P2RX5: variants seen among roughly 807,000 people sequenced by gnomAD.
P2RX5 encodes the protein P2X purinoceptor 5.
A neutral mutation model predicts 54.1 loss-of-function variants in P2RX5; 46 were observed. The observed-to-expected ratio is 0.85, with a 90% CI of 0.67 to 1.09. The LOEUF (loss-of-function observed/expected upper bound fraction) is 1.09, where lower values mean the gene tolerates loss of function less well. Among genes scored for constraint, P2RX5 ranks in the 50% least tolerant of loss-of-function variants. P2RX5 has a pLI of 0.00. For missense variants in P2RX5, 566 were observed against 549.8 expected (o/e 1.03, Z -0.29); for synonymous variants, 226 against 226.4 (o/e 1.00, Z 0.02).
chr17:3,699,816 A>G (rs28572565), upstream of P2RX5, among the ~76,000 whole-genome samples: 1,130 of 109,518 alleles, frequency 0.01, 33 homozygotes, highest in Middle Eastern at 0.027. Flanking sequence ...GAAAGAAAGA[A>G]AGAGAGAAAG....
upstream of P2RX5, among the ~76,000 whole-genome samples, chr17:3,699,174 T>C (rs1458425783): frequency 1.4e-5 from 2 of 146,496 alleles, no homozygotes; most frequent in Admixed American, 6.8e-5. Context: ...GGCAGGAGGA[T>C]TGCTTGAGCC....
chr17:3,704,118 C>A, the P2RX5 span, among the ~76,000 whole-genome samples: 1,325 of 151,836 alleles, frequency 8.7e-3, 9 homozygotes, highest in Middle Eastern at 0.041. Context: ...AACAAACAAA[C>A]AAAACCCAAA....
intron 11 of P2RX5, chr17:3,678,204 T>C: frequency 1.7e-6 from 1 of 579,122 alleles, no homozygotes; most frequent in Non-Finnish European, 2.2e-6. Context: ...TGGGCCAGCC[T>C]CACCAGAGGC....
upstream of P2RX5, among the ~76,000 whole-genome samples, chr17:3,696,592 C>T (rs575713284): frequency 2.6e-5 from 4 of 152,092 alleles, no homozygotes; most frequent in East Asian, 1.9e-4. Flanking sequence ...GTAGCTGGGA[C>T]TACAGGCGTG....
At chr17:3,698,967 A>G (rs889106242), upstream of P2RX5, among the ~76,000 whole-genome samples, 1 of 151,828 alleles carries the variant, frequency 6.6e-6, no homozygotes, top group Admixed American at 6.6e-5. Flanking sequence ...GCACTTTGGG[A>G]GGCTGAAGCA....
At chr17:3,674,212 C>G (rs1042832079) in intron 11 of P2RX5, among the ~76,000 whole-genome samples, 28 of 152,100 alleles carry the variant, frequency 1.8e-4, no homozygotes, top group African/African-American at 5.3e-4. Context: ...TCGGGAGGCT[C>G]AGGCAGGGGA....
At chr17:3,723,553 G>A in the P2RX5 span, 1 of 1,078,404 alleles carries the variant, frequency 9.3e-7, no homozygotes. Flanking sequence ...GAGACCCAGG[G>A]ACGAAGCTAG....
rs2050102754 is a variant in P2RX5 at position 3,676,283 on chromosome 17, G to A, written c.1260-2406C>T. 9.1e-6 allele frequency: 9 copies of A among 985,388 alleles called. No individual in the cohort carries two copies. In the South Asian group the frequency reaches 4.2e-4, roughly 46 times the overall value. The allele number at this position is 985,388 out of a possible 1,614,324, so 61.0% of individuals were successfully genotyped here. Reference sequence around the variant, plus strand: ...CGTACTTCATGTCCATTTTTGACAGGGGAGACTGGGTCTTAAGCGCCAGCG... The same window carrying A: ...CGTACTTCATGTCCATTTTTGACAGAGGAGACTGGGTCTTAAGCGCCAGCG... On this transcript the variant is annotated intron_variant, in intron 11 of 11. Transcript: ENST00000225328.
Position 3,689,497 on chromosome 17 carries a change from G to C in P2RX5, c.748C>G (p.Leu250Val). Residue 250 changes from leucine to valine, a missense_variant, in exon 7 of 12, where the codon CTG (leucine) becomes GTG (valine). Transcript: ENST00000225328. ...WAGSDFQDIA[L>V]EGGVIGINIE... ...CCTGCGTGCACCCCACCCACCTCCA[G>C]GGCTATATCCTGGAAGTCGCTCCCG... 1 of 1,614,072 alleles carries C rather than the reference G, an allele frequency of 6.2e-7. No individual in the cohort carries two copies. The highest frequency in any genetic ancestry group is 8.5e-7 in the Non-Finnish European group (1 of 1,180,004).
chr17:3,684,168 A>G (rs960660176), intron 9 of P2RX5, among the ~76,000 whole-genome samples: 14 of 152,192 alleles, frequency 9.2e-5, no homozygotes, highest in African/African-American at 3.4e-4. Flanking sequence ...GGCCACCTCT[A>G]AGGAAGAGTC....
upstream of P2RX5, among the ~76,000 whole-genome samples, chr17:3,699,393 T>TA (rs2050800545): frequency 6.6e-6 from 1 of 150,740 alleles, no homozygotes. Flanking sequence ...CCCTGCTTCT[T>TA]AAAAAAAATT....
chr17:3,711,196 C>T, the P2RX5 span, among the ~76,000 whole-genome samples: 5 of 152,066 alleles, frequency 3.3e-5, no homozygotes, highest in African/African-American at 1.2e-4. Context: ...TGCCCTGGTA[C>T]AGGATAGTGA....
At chr17:3,704,731 G>A in the P2RX5 span, among the ~76,000 whole-genome samples, 7 of 152,250 alleles carry the variant, frequency 4.6e-5, no homozygotes, top group African/African-American at 1.7e-4. Context: ...TTCAGGCCGG[G>A]TGTGGTGGCT....
At chr17:3,677,758 C>T (rs1428597705) in intron 11 of P2RX5, 2 of 985,258 alleles carry the variant, frequency 2.0e-6, no homozygotes, top group Non-Finnish European at 1.2e-6. Flanking sequence ...ATGTTTACAG[C>T]TCATATGAAT....
upstream of P2RX5, chr17:3,696,406 G>A (rs2050760095): frequency 6.3e-6 from 1 of 159,598 alleles, no homozygotes; most frequent in South Asian, 2.0e-4. Flanking sequence ...GATCGCGGAG[G>A]AGAGGAAGTG....
At position 3,673,385 on chromosome 17, in the gene P2RX5, A is replaced by G; in HGVS notation, c.*483T>C. 9.7e-7 allele frequency: 1 copy of G among 1,034,770 alleles called. No individual in the cohort carries two copies. Among genetic ancestry groups the G allele is most frequent in the Non-Finnish European group, 1.2e-6 (1 of 858,874 alleles). The allele number at this position is 1,034,770 out of a possible 1,614,324, so 64.1% of individuals were successfully genotyped here. A position where few individuals can be genotyped will look rare whatever the true frequency, so the allele number is the denominator to read the frequency against. ...GGCAGGAAGGTGGTGTCTTTAGGAG[A>G]GAGAGTACTTGGATCCACTGGAGAG... On this transcript the variant is annotated 3_prime_UTR_variant, in exon 12 of 12. Coordinates refer to ENST00000225328, the MANE Select transcript of P2RX5 (RefSeq NM_002561.4).
At chr17:3,719,235 C>CAAAAAAAAAAA in the P2RX5 span, among the ~76,000 whole-genome samples, 6 of 66,214 alleles carry the variant, frequency 9.1e-5, no homozygotes, top group African/African-American at 1.7e-4. Flanking sequence ...GATTCTTCCT[C>CAAAAAAAAAAA]AAAAAAAAAA....
At chr17:3,694,822 C>T (rs529660479) in intron 1 of P2RX5, among the ~76,000 whole-genome samples, 1 of 152,220 alleles carries the variant, frequency 6.6e-6, no homozygotes, top group South Asian at 2.1e-4. Flanking sequence ...CAAATGATCC[C>T]CCAAATAAGC....
At chr17:3,682,986 A>G (rs2050327883) in intron 9 of P2RX5, 1 of 152,244 alleles carries the variant, frequency 6.6e-6, no homozygotes, top group South Asian at 2.1e-4. Context: ...AGATCGCACC[A>G]CTGCACTCCA....
Sources: gnomAD v4.1 joint callset for allele counts (sites outside exome capture counted in the v4.1 genomes callset) on GRCh38, gnomAD v4.1.1 for gene constraint, MANE v1.5 for transcripts, NCBI Gene and HGNC (gene_info 2026-07-23, HGNC 2026-07-21) for gene names.